Variants in SEMA3G observed in about 807,000 individuals in gnomAD.
SEMA3G encodes semaphorin-3G.
SEMA3G carries 70 observed loss-of-function variants against 86.2 expected under a neutral mutation model. That is an observed-to-expected ratio of 0.81 (90% confidence interval 0.67 to 0.99). The LOEUF (loss-of-function observed/expected upper bound fraction) is 0.99, where lower values mean the gene tolerates loss of function less well. Ranked by LOEUF, SEMA3G falls within the 50% of genes least tolerant of loss-of-function variation. SEMA3G has a pLI of 0.00. For missense variants in SEMA3G, 1,002 were observed against 1,072.4 expected (o/e 0.93, Z 0.92); for synonymous variants, 416 against 441.4 (o/e 0.94, Z 0.72).
In SEMA3G at chr3:52,442,468, T is replaced by G. The variant is rs1276432066; in HGVS notation, c.339+91A>C. The G allele has an allele frequency of 3.5e-6, 5 of 1,442,102 alleles. No individual in the cohort carries two copies. In the East Asian group the frequency reaches 1.1e-4, roughly 33 times the overall value. The allele number at this position is 1,442,102 out of a possible 1,614,324, so 89.3% of individuals were successfully genotyped here. A position where few individuals can be genotyped will look rare whatever the true frequency, so the allele number is the denominator to read the frequency against. ...CCTCAAGATCTGCTCCAAATGCCCC[T>G]GGTAGAGGTACCTGGGGCGTGGTCA... On this transcript the variant is annotated intron_variant, in intron 3 of 15. Coordinates refer to ENST00000231721, the MANE Select transcript of SEMA3G (RefSeq NM_020163.3). This position sits in a 1 kb window ranked among gnomAD's most constrained non-coding sequence, Gnocchi z 6.1.
At position 52,440,364 on chromosome 3, in the gene SEMA3G, A is replaced by T; in HGVS notation, c.1143+13T>A. The T allele has an allele frequency of 6.3e-7, 1 of 1,587,676 alleles. No individual in the cohort carries two copies. On this transcript the variant is annotated intron_variant, in intron 10 of 15. Coordinates refer to ENST00000231721, the MANE Select transcript of SEMA3G (RefSeq NM_020163.3). The stretch of plus-strand genomic sequence containing the variant: ...GGCCTCGCTTCCCTGGCCTGGCCCC[A>T]GCAGATACTCACCACGCCAGGGCGA...
intron 14 of SEMA3G, 146 bp from the exon 15 acceptor site, chr3:52,437,812 G>A: frequency 8.7e-7 from 1 of 1,147,656 alleles, no homozygotes; most frequent in Non-Finnish European, 1.2e-6. Context: ...TGTGTCCAAA[G>A]ACCCTGCTTC....
rs776354249 is a variant in SEMA3G, at chr3:52,441,735, C to T, written c.551-45G>A. ...ACAGAGTCAGGGGAGGAGGCCCAGG[C>T]CCAGCAGCCGGGTCCCTCCCTTCCC... is the stretch of plus-strand genomic sequence containing the variant. On this transcript the variant is annotated intron_variant, in intron 5 of 15. Transcript: ENST00000231721. 9.4e-6 allele frequency: 15 copies of T among 1,593,834 alleles called. No individual in the cohort carries two copies. The East Asian group carries it at 2.9e-4, about 31-fold the overall frequency.
chr3:52,438,510 T>C, intron 13 of SEMA3G: 1 of 985,452 alleles, frequency 1.0e-6, no homozygotes, highest in Non-Finnish European at 1.2e-6. Context: ...TCCCTGACCT[T>C]AGAGGTGCAC....
At chr3:52,441,715 G>A in intron 5 of SEMA3G, 25 bp from the exon 6 acceptor site, 2 of 1,604,324 alleles carry the variant, frequency 1.2e-6, no homozygotes, top group Non-Finnish European at 1.7e-6. Context: ...GGGGAACAGA[G>A]TCAGGGGAGG....
chr3:52,434,513 G>A lies in SEMA3G; in HGVS notation c.*1090C>T, dbSNP rs1340401447. Reference sequence around the variant, plus strand: ...CTAACTGATGCCATCCTGAGTTCTTGTGGACACCTGTTCCTGCCTGGGTCC... The same window carrying A: ...CTAACTGATGCCATCCTGAGTTCTTATGGACACCTGTTCCTGCCTGGGTCC... On this transcript the variant is annotated 3_prime_UTR_variant, in exon 16 of 16. Coordinates refer to ENST00000231721, the MANE Select transcript of SEMA3G (RefSeq NM_020163.3). This position sits in a 1 kb window ranked among gnomAD's most constrained non-coding sequence, Gnocchi z 5.2. 1 of 152,212 alleles carries A rather than the reference G, an allele frequency of 6.6e-6. No individual in the cohort carries two copies. The highest frequency in any genetic ancestry group is 1.5e-5 in the Non-Finnish European group (1 of 68,046). The allele number at this position is 152,212 out of a possible 1,614,324, so 9.4% of individuals were successfully genotyped here. A position where few individuals can be genotyped will look rare whatever the true frequency, so the allele number is the denominator to read the frequency against.
At position 52,435,858 on chromosome 3, in the gene SEMA3G, C is replaced by T. The variant is rs749681098; in HGVS notation, c.2094G>A (p.Leu698=). 3.1e-6 allele frequency: 5 copies of T among 1,613,912 alleles called. No individual in the cohort carries two copies. The East Asian group carries it at 1.1e-4, about 36-fold the overall frequency. The change falls in exon 16 of 16, where the codon CTG becomes CTA. Residue 698 remains leucine, a synonymous_variant. Coordinates refer to ENST00000231721, the MANE Select transcript of SEMA3G (RefSeq NM_020163.3). ...ACCAGGCCTTGGGTGGGGTGGAAGCCAGGCCTCCCCGGGCTGGGGGCTCCT... is the reference window on the plus strand; with the variant it reads ...ACCAGGCCTTGGGTGGGGTGGAAGCTAGGCCTCCCCGGGCTGGGGGCTCCT... ...KPEEPPARGG[L]ASTPPKAWYK... is the part of the protein sequence containing the mutation.
In SEMA3G at chr3:52,438,192, A is replaced by G; in HGVS notation, c.1517T>C (p.Leu506Pro). ...EMEISVKRQM[L>P]YVGSRLGVAQ... is the part of the protein sequence containing the mutation. ...CACACCCAGCCGAGAGCCCACGTAT[A>G]GCATTTGCTGGGGAGGGACAGAAGC... is the stretch of plus-strand genomic sequence containing the variant. Residue 506 changes from leucine (L) to proline (P), a missense_variant, in exon 14 of 16, where the codon CTA becomes CCA. Coordinates refer to ENST00000231721, the MANE Select transcript of SEMA3G (RefSeq NM_020163.3). The G allele has an allele frequency of 1.2e-6, 2 of 1,612,746 alleles. No homozygotes were observed. The highest frequency in any genetic ancestry group is 1.7e-6 in the Non-Finnish European group (2 of 1,179,696).
chr3:52,438,236 A>G, intron 13 of SEMA3G, 37 bp from the exon 14 acceptor site: 4 of 1,572,224 alleles, frequency 2.5e-6, no homozygotes, highest in Non-Finnish European at 3.5e-6. Flanking sequence ...AGGTGAGCCC[A>G]GGCTTCGCCC....
intron 1 of SEMA3G, among the ~76,000 whole-genome samples, chr3:52,443,335 C>G (rs531734317): frequency 3.3e-5 from 5 of 152,280 alleles, no homozygotes; most frequent in Non-Finnish European, 7.4e-5. Flanking sequence ...CGAAACTGTT[C>G]CCAGCAGAGG....
In SEMA3G at chr3:52,444,979, GC is replaced by G; in HGVS notation, c.48del (p.Leu17SerfsTer40). On this transcript the variant is annotated frameshift_variant, in exon 1 of 16. Coordinates refer to ENST00000231721, the MANE Select transcript of SEMA3G (RefSeq NM_020163.3). LOFTEE classifies it high-confidence loss of function. ...CTGGGGCCAGAGCTACCCCCATGGAGCAGGAGGCCCCCTAGCAGCCAGCAAA... is the reference window on the plus strand; with the variant it reads ...CTGGGGCCAGAGCTACCCCCATGGAGAGGAGGCCCCCTAGCAGCCAGCAAA... Reference protein sequence around the residue: ...WAICWLLGGLLLHGGSSGPSP... With the variant: ...WAICWLLGGLXLHGGSSGPSP... 1 of 1,293,918 alleles carries G rather than the reference GC, an allele frequency of 7.7e-7. No individual in the cohort carries two copies. The highest frequency in any genetic ancestry group is 9.8e-7 in the Non-Finnish European group (1 of 1,015,314). 80.2% of individuals were successfully genotyped at this position (1,293,918 alleles called of 1,614,324 possible). A position where few individuals can be genotyped will look rare whatever the true frequency, so the allele number is the denominator to read the frequency against.
intron 8 of SEMA3G, 34 bp from the exon 9 acceptor site, chr3:52,440,857 C>T: frequency 6.2e-7 from 1 of 1,604,742 alleles, no homozygotes; most frequent in Non-Finnish European, 8.5e-7. Context: ...GTGTCATGGC[C>T]ACCGCCAATG....
chr3:52,436,020 CCTGCGG>C lies in SEMA3G; in HGVS notation c.1926_1931del (p.Phe642_Arg644delinsLeu). 1 of 1,613,474 alleles carries C rather than the reference CCTGCGG, an allele frequency of 6.2e-7. No homozygotes were observed. The highest frequency in any genetic ancestry group is 8.5e-7 in the Non-Finnish European group (1 of 1,179,984). On this transcript the variant is annotated inframe_deletion, in exon 16 of 16. Transcript: ENST00000231721. ...AGGTGCCCGCATCGAAACGGCTAAGCCTGCGGAACAGCAGCCCCCGCTCCGTGTGCA... is the reference window on the plus strand; with the variant it reads ...AGGTGCCCGCATCGAAACGGCTAAGCAACAGCAGCCCCCGCTCCGTGTGCA...
At chr3:52,444,560 GGCACACGCACACAAACACT>G (rs1248534816) in intron 1 of SEMA3G, among the ~76,000 whole-genome samples, 7 of 148,206 alleles carry the variant, frequency 4.7e-5, no homozygotes, top group African/African-American at 7.6e-5. Context: ...ACACAAACTC[GGCACACGCACACAAACACT>G]GCACACGCAC....
In SEMA3G at chr3:52,433,078, G is replaced by A. The variant is rs56108926; in HGVS notation, c.*2525C>T. On this transcript the variant is annotated 3_prime_UTR_variant, in exon 16 of 16. Coordinates refer to ENST00000231721, the MANE Select transcript of SEMA3G (RefSeq NM_020163.3). Reference sequence around the variant, plus strand: ...GGCCAGGATGTTCCTCATTTAATGAGCAATCTCGGCTTTGTACAAAGCCCT... The same window carrying A: ...GGCCAGGATGTTCCTCATTTAATGAACAATCTCGGCTTTGTACAAAGCCCT... The A allele has an allele frequency of 6.6e-6, 1 of 151,916 alleles. No homozygotes were observed. Among genetic ancestry groups the A allele is most frequent in the Non-Finnish European group, 1.5e-5 (1 of 67,986 alleles). The allele number at this position is 151,916 out of a possible 1,614,324, so 9.4% of individuals were successfully genotyped here.
intron 1 of SEMA3G, among the ~76,000 whole-genome samples, chr3:52,444,016 G>A (rs1706211391): frequency 6.6e-6 from 1 of 152,164 alleles, no homozygotes; most frequent in Non-Finnish European, 1.5e-5. Context: ...AAGGGGAGGT[G>A]AAACTCCCCC....
At chr3:52,440,543 T>G (rs1244079096) in intron 9 of SEMA3G, 22 bp from the exon 10 acceptor site, 8 of 1,600,548 alleles carry the variant, frequency 5.0e-6, no homozygotes, top group Non-Finnish European at 6.8e-6. Flanking sequence ...CATGGGACAG[T>G]CAGGCCAGAG....
chr3:52,435,533 T>A lies in SEMA3G; in HGVS notation c.*70A>T. 6.9e-7 allele frequency: 1 copy of A among 1,454,640 alleles called. No homozygotes were observed. The highest frequency in any genetic ancestry group is 9.4e-7 in the Non-Finnish European group (1 of 1,066,306). The allele number at this position is 1,454,640 out of a possible 1,614,324, so 90.1% of individuals were successfully genotyped here. On this transcript the variant is annotated 3_prime_UTR_variant, in exon 16 of 16. Coordinates refer to ENST00000231721, the MANE Select transcript of SEMA3G (RefSeq NM_020163.3). ...TCCTGACCCCTCTGCCCTAGCTGGG[T>A]GGGTGGGAGATGCTGGGGGCTGCTA...
Position 52,442,307 on chromosome 3 carries a change from G to A in SEMA3G, c.340-3C>T. 7 of 1,613,500 alleles carry A rather than the reference G, an allele frequency of 4.3e-6. No individual in the cohort carries two copies. The highest frequency in any genetic ancestry group is 5.9e-6 in the Non-Finnish European group (7 of 1,179,788). On this transcript the variant is annotated splice_polypyrimidine_tract_variant and splice_region_variant and intron_variant, in intron 3 of 15. Coordinates refer to ENST00000231721, the MANE Select transcript of SEMA3G (RefSeq NM_020163.3). This position sits in a 1 kb window ranked among gnomAD's most constrained non-coding sequence, Gnocchi z 6.1. The stretch of plus-strand genomic sequence containing the variant: ...CGCACGAAGTTGGCGCACTCTGTCT[G>A]CGGGGAGAAGGAGGGGGTGGTTGAG...
Sources: allele counts gnomAD v4.1 joint callset (sites outside exome capture counted in the v4.1 genomes callset), GRCh38; gene constraint gnomAD v4.1.1; non-coding constraint Gnocchi (gnomAD v3.1); transcripts MANE v1.5; gene names NCBI Gene and HGNC (gene_info 2026-07-23, HGNC 2026-07-21).